MED27: variants seen among roughly 807,000 people sequenced by gnomAD.
MED27 encodes the protein mediator complex subunit 27, also known as mediator of RNA polymerase II transcription subunit 27.
Under a neutral mutation model 38.2 loss-of-function variants are expected in MED27, and 30 were observed. That is an observed-to-expected ratio of 0.79 (90% CI 0.59 to 1.07). The LOEUF (loss-of-function observed/expected upper bound fraction) is 1.07, where lower values mean the gene tolerates loss of function less well. Ranked by LOEUF, MED27 falls within the 50% of genes least tolerant of loss-of-function variation. The pLI, the probability that MED27 is intolerant of heterozygous loss-of-function variation, is 0.00. For missense variants in MED27, 289 were observed against 397.5 expected, an observed-to-expected ratio of 0.73 and a Z score of 2.32; for synonymous variants, 122 against 153.5, an observed-to-expected ratio of 0.79 and a Z score of 1.52.
rs111994624 is a variant in MED27, at chr9:132,058,351, G to A, written c.348+19091C>T. Among the ~76,000 whole-genome samples the A allele has an allele frequency of 2.3e-3, 345 of 152,238 alleles. 1 individual carries two copies. Among genetic ancestry groups the A allele is most frequent in the African/African-American group, 8.0e-3 (333 of 41,538 alleles). On this transcript the variant is annotated intron_variant, in intron 2 of 7. Transcript: ENST00000292035. ...CCATAACCCCCACATGTCGTGGGAG[G>A]GACCCAGTGGGAGGTAACTGAATCA...
intron 3 of MED27, among the ~76,000 whole-genome samples, chr9:131,992,947 T>C (rs544420502): frequency 2.6e-5 from 4 of 152,158 alleles, no homozygotes; most frequent in Admixed American, 1.3e-4. Flanking sequence ...ATTATCCCCA[T>C]TTGACAAATG....
intron 3 of MED27, among the ~76,000 whole-genome samples, chr9:131,944,002 C>T (rs751561583): frequency 1.2e-4 from 18 of 152,172 alleles, no homozygotes; most frequent in Admixed American, 3.9e-4. Flanking sequence ...TGCGGTAAGA[C>T]TCTCAACGGT....
At chr9:131,867,775 G>A (rs926621640) in intron 6 of MED27, among the ~76,000 whole-genome samples, 13 of 152,364 alleles carry the variant, frequency 8.5e-5, no homozygotes, top group Admixed American at 7.2e-4. Context: ...TAAAATGCAT[G>A]AGAATGCGAG....
chr9:131,880,522 C>A (rs1013699665), intron 6 of MED27, among the ~76,000 whole-genome samples: 2 of 152,076 alleles, frequency 1.3e-5, no homozygotes, highest in African/African-American at 4.8e-5. Flanking sequence ...GTGAAAGGAG[C>A]GATGATAAAG....
In MED27 at chr9:131,997,597, ATCCCT is replaced by A. The variant is rs1446654960; in HGVS notation, c.479+16735_479+16739del. Among the ~76,000 whole-genome samples the A allele has an allele frequency of 6.6e-6, 1 of 152,166 alleles. No homozygotes were observed. The highest frequency in any genetic ancestry group is 2.4e-5 in the African/African-American group (1 of 41,428). ...CTCCCACTTTCTTTCACAGGGGGTG[ATCCCT>A]AATAAATATATTGCAGCCCAATTCC... is the stretch of plus-strand genomic sequence containing the variant. On this transcript the variant is annotated intron_variant, in intron 3 of 7. Transcript: ENST00000292035. The surrounding 1 kb of genome is among the most constrained non-coding windows in gnomAD (Gnocchi z 4.0).
intron 3 of MED27, among the ~76,000 whole-genome samples, chr9:131,985,662 C>T (rs1258865215): frequency 6.6e-6 from 1 of 151,786 alleles, no homozygotes; most frequent in Non-Finnish European, 1.5e-5. Context: ...ATGACTGTTA[C>T]TGGTTTATGA....
chr9:132,060,605 A>C (rs561860908), intron 2 of MED27, among the ~76,000 whole-genome samples: 1 of 152,236 alleles, frequency 6.6e-6, no homozygotes, highest in Non-Finnish European at 1.5e-5. Context: ...GTCCCCACCA[A>C]GCACACTGTG....
At chr9:132,009,707 G>A (rs1363074765) in intron 3 of MED27, among the ~76,000 whole-genome samples, 2 of 152,204 alleles carry the variant, frequency 1.3e-5, no homozygotes, top group Admixed American at 1.3e-4. Context: ...GCCACTCCTG[G>A]ATTCCTAATC....
intron 5 of MED27, among the ~76,000 whole-genome samples, chr9:131,888,044 T>C (rs1323467356): frequency 6.6e-6 from 1 of 151,920 alleles, no homozygotes; most frequent in East Asian, 1.9e-4. Context: ...CTGGTGAAAA[T>C]GGTGACAAAT....
At chr9:131,946,904 T>C (rs1399356647) in intron 3 of MED27, among the ~76,000 whole-genome samples, 1 of 152,240 alleles carries the variant, frequency 6.6e-6, no homozygotes, top group African/African-American at 2.4e-5. Context: ...TCAGTCAGTG[T>C]ACCCCATTTT....
chr9:132,012,740 T>C (rs1422889163), intron 3 of MED27, among the ~76,000 whole-genome samples: 1 of 152,142 alleles, frequency 6.6e-6, no homozygotes, highest in Non-Finnish European at 1.5e-5. Context: ...TAAGCATAAC[T>C]ACAAATTATG....
intron 2 of MED27, among the ~76,000 whole-genome samples, chr9:132,036,038 C>T (rs1833068919): frequency 6.6e-6 from 1 of 152,034 alleles, no homozygotes; most frequent in Non-Finnish European, 1.5e-5. Context: ...CAATCCCATT[C>T]TGGTGCTGGG....
chr9:131,953,916 C>T (rs1442204981), intron 3 of MED27, among the ~76,000 whole-genome samples: 1 of 150,962 alleles, frequency 6.6e-6, no homozygotes, highest in Non-Finnish European at 1.5e-5. Context: ...CTCCCGGGTT[C>T]AAGTGATTCT....
chr9:132,057,422 T>C (rs1450596380), intron 2 of MED27, among the ~76,000 whole-genome samples: 1 of 152,198 alleles, frequency 6.6e-6, no homozygotes, highest in South Asian at 2.1e-4. Context: ...TAATCACATA[T>C]GGAGGCAGCC....
In MED27 at chr9:131,880,114, C is replaced by T. The variant is rs76938505; in HGVS notation, c.723+3944G>A. ...ACGACGAAATAGGCACGCCAGTCACCGCCCTGGGATGGAGGCTACACCGCG... is the reference window on the plus strand; with the variant it reads ...ACGACGAAATAGGCACGCCAGTCACTGCCCTGGGATGGAGGCTACACCGCG... On this transcript the variant is annotated intron_variant, in intron 6 of 7. Transcript: ENST00000292035. 7.4e-3 allele frequency among the ~76,000 whole-genome samples: 1,122 copies of T among 152,254 alleles called. 13 individuals are homozygous for T. The highest frequency in any genetic ancestry group is 0.026 in the African/African-American group (1,068 of 41,542).
At chr9:132,037,019 A>C (rs1833093508) in intron 2 of MED27, among the ~76,000 whole-genome samples, 1 of 152,194 alleles carries the variant, frequency 6.6e-6, no homozygotes, top group Non-Finnish European at 1.5e-5. Flanking sequence ...CAAAGAGCAG[A>C]GCAAGGAGAG....
intron 2 of MED27, among the ~76,000 whole-genome samples, chr9:132,028,616 T>C (rs775584713): frequency 6.6e-6 from 1 of 152,174 alleles, no homozygotes; most frequent in African/African-American, 2.4e-5. Flanking sequence ...CCAAGTAATA[T>C]GGAATTTTTA....
intron 4 of MED27, among the ~76,000 whole-genome samples, chr9:131,923,462 G>T (rs976005775): frequency 6.6e-6 from 1 of 152,152 alleles, no homozygotes; most frequent in African/African-American, 2.4e-5. Flanking sequence ...TAAGGGTTTA[G>T]GGTCAAAATG....
At chr9:131,965,444 G>A (rs1477715822) in intron 3 of MED27, among the ~76,000 whole-genome samples, 1 of 152,232 alleles carries the variant, frequency 6.6e-6, no homozygotes, top group East Asian at 1.9e-4. Flanking sequence ...GGGGTACTCA[G>A]CACAGTGGGA....
Sources: allele counts gnomAD v4.1 joint callset (sites outside exome capture counted in the v4.1 genomes callset), GRCh38; gene constraint gnomAD v4.1.1; non-coding constraint Gnocchi (gnomAD v3.1); transcripts MANE v1.5; gene names NCBI Gene and HGNC (gene_info 2026-07-23, HGNC 2026-07-21).